The following PTPRD variants were observed in gnomAD, a reference collection of about 807,000 sequenced individuals.
The protein encoded by PTPRD is protein tyrosine phosphatase receptor type D, also known as receptor-type tyrosine-protein phosphatase delta.
PTPRD carries 34 observed loss-of-function variants against 214.5 expected under a neutral mutation model. That is an observed-to-expected ratio of 0.16 (90% CI 0.12 to 0.21). PTPRD has a LOEUF of 0.21. PTPRD is among the 10% of genes least tolerant of loss of function. The pLI is 1.00. For synonymous variants in PTPRD, 1,128 were observed against 845.7 expected, an observed-to-expected ratio of 1.33 and a Z score of -5.79; for missense variants, 2,545 against 2,398.7, an observed-to-expected ratio of 1.06 and a Z score of -1.27.
chr9:9,964,215 C>A (rs1005923702), intron 4 of PTPRD, among the ~76,000 whole-genome samples: 1 of 152,096 alleles, frequency 6.6e-6, no homozygotes, highest in Non-Finnish European at 1.5e-5. Context: ...CAAGTCAATA[C>A]TGAATTTAGT....
intron 11 of PTPRD, among the ~76,000 whole-genome samples, chr9:8,799,981 G>A (rs1321850167): frequency 1.3e-5 from 2 of 151,704 alleles, no homozygotes; most frequent in East Asian, 3.9e-4. Context: ...ATATAGTGCT[G>A]CCACCATAAT....
At chr9:9,376,106 T>C (rs2060722631) in intron 9 of PTPRD, among the ~76,000 whole-genome samples, 1 of 152,186 alleles carries the variant, frequency 6.6e-6, no homozygotes, top group Non-Finnish European at 1.5e-5. Context: ...AACATTCTAC[T>C]ATACCATGAT....
At chr9:9,344,446 T>C (rs1265435195) in intron 9 of PTPRD, among the ~76,000 whole-genome samples, 2 of 151,946 alleles carry the variant, frequency 1.3e-5, no homozygotes, top group African/African-American at 4.8e-5. Flanking sequence ...TATGCTTATG[T>C]GACAAAACTA....
At chr9:8,342,050 ATTATTC>A (rs1852927646) in intron 39 of PTPRD, 72 bp from the exon 40 acceptor site, 5 of 1,385,818 alleles carry the variant, frequency 3.6e-6, no homozygotes, top group Admixed American at 5.4e-5. Flanking sequence ...AAGTATTTTT[ATTATTC>A]TTATTAACTA....
At chr9:9,581,106 T>A (rs1178549186) in intron 7 of PTPRD, among the ~76,000 whole-genome samples, 1 of 152,036 alleles carries the variant, frequency 6.6e-6, no homozygotes, top group Admixed American at 6.6e-5. Flanking sequence ...ATAACTATAT[T>A]CTCAGTTTTT....
At chr9:8,939,913 T>G (rs934328683) in intron 11 of PTPRD, among the ~76,000 whole-genome samples, 1 of 152,054 alleles carries the variant, frequency 6.6e-6, no homozygotes, top group African/African-American at 2.4e-5. Context: ...AAAGTTTTCT[T>G]TAGAAAAACA....
At chr9:9,544,911 T>C (rs943647697) in intron 8 of PTPRD, among the ~76,000 whole-genome samples, 2 of 151,718 alleles carry the variant, frequency 1.3e-5, no homozygotes, top group African/African-American at 4.8e-5. Context: ...TTGGGATGGG[T>C]TTCTGACTAT....
At chr9:8,692,737 C>A (rs895858270) in intron 12 of PTPRD, among the ~76,000 whole-genome samples, 2 of 151,920 alleles carry the variant, frequency 1.3e-5, no homozygotes, top group East Asian at 1.9e-4. Flanking sequence ...CCTTTTGATA[C>A]CTTCACTTCT....
chr9:10,157,733 A>G (rs375161993), intron 3 of PTPRD, among the ~76,000 whole-genome samples: 1 of 152,188 alleles, frequency 6.6e-6, no homozygotes, highest in African/African-American at 2.4e-5. Context: ...TATGTTTTCA[A>G]GTTGGTTCCA....
At chr9:9,661,476 G>A (rs915263683) in intron 7 of PTPRD, among the ~76,000 whole-genome samples, 7 of 151,682 alleles carry the variant, frequency 4.6e-5, no homozygotes, top group Admixed American at 1.3e-4. Flanking sequence ...CTATGGTATC[G>A]TTGGACAATA....
chr9:8,748,809 G>C (rs1245057765), intron 11 of PTPRD, among the ~76,000 whole-genome samples: 1 of 152,066 alleles, frequency 6.6e-6, no homozygotes. Flanking sequence ...TACTCGGGAG[G>C]CTGAGGTGTG....
intron 8 of PTPRD, among the ~76,000 whole-genome samples, chr9:9,477,080 G>C (rs1412599846): frequency 6.6e-6 from 1 of 152,224 alleles, no homozygotes; most frequent in East Asian, 1.9e-4. Flanking sequence ...TGCAAAAAAG[G>C]TACTATTTAC....
chr9:8,856,794 C>G (rs2097923721), intron 11 of PTPRD, among the ~76,000 whole-genome samples: 1 of 152,190 alleles, frequency 6.6e-6, no homozygotes, highest in South Asian at 2.1e-4. Flanking sequence ...AAGCCAAGCT[C>G]ACACTTGGTG....
At chr9:8,899,458 T>G (rs1036635163) in intron 11 of PTPRD, among the ~76,000 whole-genome samples, 6 of 152,186 alleles carry the variant, frequency 3.9e-5, no homozygotes, top group African/African-American at 1.2e-4. Flanking sequence ...CTCCCAGCTA[T>G]GAGTATGCAT....
intron 5 of PTPRD, among the ~76,000 whole-genome samples, chr9:9,895,250 A>C (rs1412079779): frequency 6.6e-6 from 1 of 151,986 alleles, no homozygotes; most frequent in Non-Finnish European, 1.5e-5. Flanking sequence ...GTTTGTTACC[A>C]GTAAGAGAAA....
At chr9:8,466,912 C>G (rs144373041) in intron 31 of PTPRD, among the ~76,000 whole-genome samples, 56 of 151,832 alleles carry the variant, frequency 3.7e-4, no homozygotes, top group African/African-American at 1.3e-3. Context: ...ATGATCAAGG[C>G]TAGGCTTCTG....
At chr9:10,334,860 T>G (rs1470983952) in intron 3 of PTPRD, among the ~76,000 whole-genome samples, 1 of 151,482 alleles carries the variant, frequency 6.6e-6, no homozygotes, top group Non-Finnish European at 1.5e-5. Context: ...CCCAAGAAAA[T>G]GAAATACTTT....
chr9:8,687,269 A>G (rs1203908023), intron 12 of PTPRD, among the ~76,000 whole-genome samples: 3 of 152,210 alleles, frequency 2.0e-5, no homozygotes, highest in African/African-American at 7.2e-5. Flanking sequence ...GCTTTCTTTC[A>G]AGATCTCCCA....
intron 26 of PTPRD, among the ~76,000 whole-genome samples, chr9:8,496,845 G>A (rs1394026081): frequency 1.3e-5 from 2 of 152,054 alleles, no homozygotes; most frequent in Admixed American, 1.3e-4. Flanking sequence ...ATTTTTTTCT[G>A]TTTTAGCTCA....
Sources: gnomAD v4.1 joint callset for allele counts (sites outside exome capture counted in the v4.1 genomes callset) on GRCh38, gnomAD v4.1.1 for gene constraint, MANE v1.5 for transcripts, NCBI Gene and HGNC (gene_info 2026-07-23, HGNC 2026-07-21) for gene names.